AGBL4: variants seen among roughly 807,000 people sequenced by gnomAD.
AGBL4 encodes the protein cytosolic carboxypeptidase 6.
AGBL4 carries 58 observed loss-of-function variants against 66.4 expected under a neutral mutation model. The ratio of observed to expected loss-of-function variants is 0.87; its 90% CI spans 0.71 to 1.09. The LOEUF (loss-of-function observed/expected upper bound fraction) is 1.09, where lower values mean the gene tolerates loss of function less well. Ranked by LOEUF, AGBL4 falls within the 50% of genes least tolerant of loss-of-function variation. The pLI is 0.00. For synonymous variants in AGBL4, 234 were observed against 222.9 expected, an observed-to-expected ratio of 1.05 and a Z score of -0.44; for missense variants, 579 against 631.0, an observed-to-expected ratio of 0.92 and a Z score of 0.88.
At chr1:49,811,245 C>A (rs1450937902) in intron 2 of AGBL4, among the ~76,000 whole-genome samples, 1 of 152,154 alleles carries the variant, frequency 6.6e-6, no homozygotes, top group Non-Finnish European at 1.5e-5. Flanking sequence ...GCTCTGCAGA[C>A]TTCCTGAATC....
chr1:49,436,929 T>A (rs1167266), intron 3 of AGBL4, among the ~76,000 whole-genome samples: 1 of 151,946 alleles, frequency 6.6e-6, no homozygotes, highest in Non-Finnish European at 1.5e-5. Flanking sequence ...AGAAAAAAAA[T>A]TATTAATCCA....
chr1:48,590,406 C>CAA (rs386366923), intron 10 of AGBL4, among the ~76,000 whole-genome samples: 34,224 of 93,184 alleles, frequency 0.37, 5,381 homozygotes, highest in South Asian at 0.5. Context: ...AACTCAGTCT[C>CAA]AAAAAAAAAA....
At chr1:49,236,712 CTA>C (rs1292855182) in intron 4 of AGBL4, among the ~76,000 whole-genome samples, 1 of 151,976 alleles carries the variant, frequency 6.6e-6, no homozygotes, top group Non-Finnish European at 1.5e-5. Flanking sequence ...GTGTATAGTT[CTA>C]TGTCATCTTG....
At chr1:49,577,903 A>AT (rs1644467522) in intron 3 of AGBL4, among the ~76,000 whole-genome samples, 1 of 152,072 alleles carries the variant, frequency 6.6e-6, no homozygotes, top group Admixed American at 6.5e-5. Flanking sequence ...AATATATGGT[A>AT]TTTTCTCTCC....
Position 49,917,990 on chromosome 1 carries a change from T to G in AGBL4, c.35-66472A>C, listed in dbSNP as rs941681858. 3.9e-4 allele frequency among the ~76,000 whole-genome samples: 59 copies of G among 152,224 alleles called. 1 individual carries two copies. Among genetic ancestry groups the G allele is most frequent in the African/African-American group, 1.3e-3 (56 of 41,538 alleles). On this transcript the variant is annotated intron_variant, in intron 1 of 13. Transcript: ENST00000371839. ...AACCTGCTCCTGAATGACTACTGGGTACATAACGAAATGAAGGCAGAAATA... is the reference window on the plus strand; with the variant it reads ...AACCTGCTCCTGAATGACTACTGGGGACATAACGAAATGAAGGCAGAAATA...
chr1:49,996,482 G>A (rs1192739406), intron 1 of AGBL4, among the ~76,000 whole-genome samples: 4 of 152,064 alleles, frequency 2.6e-5, no homozygotes, highest in African/African-American at 9.7e-5. Context: ...GCTCGAAGAT[G>A]CTTCTAAATT....
At chr1:49,558,410 T>G (rs1643953742) in intron 3 of AGBL4, among the ~76,000 whole-genome samples, 1 of 152,132 alleles carries the variant, frequency 6.6e-6, no homozygotes, top group Non-Finnish European at 1.5e-5. Context: ...TGGTGCGATC[T>G]CAGCTCACTG....
intron 6 of AGBL4, among the ~76,000 whole-genome samples, chr1:48,670,998 T>C (rs1021545954): frequency 3.3e-5 from 5 of 152,224 alleles, no homozygotes; most frequent in African/African-American, 1.2e-4. Flanking sequence ...TGCCTGGTTG[T>C]TTGAGGAGGC....
intron 6 of AGBL4, among the ~76,000 whole-genome samples, chr1:48,714,681 T>G (rs1429226557): frequency 6.6e-6 from 1 of 152,208 alleles, no homozygotes; most frequent in Non-Finnish European, 1.5e-5. Flanking sequence ...TCAACACTCT[T>G]CAATGACTCC....
chr1:49,516,804 G>A (rs955249369), intron 3 of AGBL4, among the ~76,000 whole-genome samples: 2 of 152,094 alleles, frequency 1.3e-5, no homozygotes, highest in African/African-American at 4.8e-5. Flanking sequence ...AAGCAGAGAG[G>A]AAAAGTAATA....
intron 5 of AGBL4, among the ~76,000 whole-genome samples, chr1:49,004,486 G>A (rs545159986): frequency 8.5e-5 from 13 of 152,254 alleles, no homozygotes; most frequent in South Asian, 2.1e-4. Context: ...TGAATATGTC[G>A]CAGCCCCTAT....
chr1:49,985,152 C>T (rs1659396376), intron 1 of AGBL4, among the ~76,000 whole-genome samples: 2 of 152,154 alleles, frequency 1.3e-5, no homozygotes, highest in Non-Finnish European at 2.9e-5. Flanking sequence ...AGGTAATGAG[C>T]ATAGTATCCA....
At chr1:49,687,025 G>T (rs1011657167) in intron 3 of AGBL4, among the ~76,000 whole-genome samples, 2 of 152,162 alleles carry the variant, frequency 1.3e-5, no homozygotes, top group African/African-American at 4.8e-5. Flanking sequence ...CAATAAGTAT[G>T]TAAGTCAAAA....
chr1:48,540,797 C>A (rs1302647821), intron 11 of AGBL4, among the ~76,000 whole-genome samples: 1 of 152,076 alleles, frequency 6.6e-6, no homozygotes, highest in East Asian at 1.9e-4. Context: ...TTCTTTCCAC[C>A]CCCCTAGAAT....
chr1:48,909,415 A>G (rs967518052), intron 5 of AGBL4, among the ~76,000 whole-genome samples: 3 of 152,214 alleles, frequency 2.0e-5, no homozygotes, highest in Non-Finnish European at 2.9e-5. Flanking sequence ...TAGATACAGC[A>G]TGTTCAGATT....
intron 4 of AGBL4, among the ~76,000 whole-genome samples, chr1:49,073,107 G>A (rs1047477517): frequency 6.6e-6 from 1 of 152,100 alleles, no homozygotes; most frequent in African/African-American, 2.4e-5. Context: ...GGTCATTTAT[G>A]TTCTCCTCTA....
At chr1:49,005,301 C>T (rs776737996) in intron 5 of AGBL4, among the ~76,000 whole-genome samples, 7 of 152,194 alleles carry the variant, frequency 4.6e-5, no homozygotes, top group Non-Finnish European at 8.8e-5. Flanking sequence ...CAGTTCCCCA[C>T]AGTCCAAAAA....
chr1:49,480,276 C>T (rs2148725248), intron 3 of AGBL4, among the ~76,000 whole-genome samples: 1 of 152,092 alleles, frequency 6.6e-6, no homozygotes, highest in Non-Finnish European at 1.5e-5. Context: ...ATTCTTTTTT[C>T]CCCATGACTT....
intron 2 of AGBL4, among the ~76,000 whole-genome samples, chr1:49,802,718 C>A (rs1019241720): frequency 1.3e-5 from 2 of 152,152 alleles, no homozygotes; most frequent in African/African-American, 4.8e-5. Flanking sequence ...GTTGGCACCA[C>A]GGGACCAGAA....
Sources: gnomAD v4.1 joint callset for allele counts (sites outside exome capture counted in the v4.1 genomes callset) on GRCh38, gnomAD v4.1.1 for gene constraint, MANE v1.5 for transcripts, NCBI Gene and HGNC (gene_info 2026-07-23, HGNC 2026-07-21) for gene names.